The following CRMP1 variants were observed in gnomAD, a reference collection of about 807,000 sequenced individuals.
CRMP1 encodes dihydropyrimidinase-related protein 1.
Under a neutral mutation model 68.3 loss-of-function variants are expected in CRMP1, and 19 were observed. The ratio of observed to expected loss-of-function variants is 0.28; its 90% CI spans 0.19 to 0.41. The LOEUF is 0.41. Among genes scored for constraint, CRMP1 ranks in the 10% least tolerant of loss-of-function variants. The pLI, the probability that CRMP1 is intolerant of heterozygous loss-of-function variation, is 1.00. For synonymous variants in CRMP1, 439 were observed against 399.6 expected (o/e 1.10, Z -1.18); for missense variants, 791 against 967.4 (o/e 0.82, Z 2.42).
At chr4:5,864,852 A>T (rs1312067821) in intron 2 of CRMP1, among the ~76,000 whole-genome samples, 1 of 150,888 alleles carries the variant, frequency 6.6e-6, no homozygotes, top group African/African-American at 2.4e-5. Flanking sequence ...GTGAGTCCCA[A>T]GTTTTCATTA....
At chr4:5,848,885 A>C (rs1421998063) in intron 6 of CRMP1, among the ~76,000 whole-genome samples, 1 of 152,192 alleles carries the variant, frequency 6.6e-6, no homozygotes, top group Non-Finnish European at 1.5e-5. Flanking sequence ...GATCTCATCT[A>C]ATCCAAATTA....
chr4:5,828,026 A>T, intron 12 of CRMP1: 10 of 985,132 alleles, frequency 1.0e-5, no homozygotes, highest in Non-Finnish European at 1.1e-5. Context: ...GAAAGGGCGG[A>T]TCTGAAGGAA....
chr4:5,889,346 C>G lies in CRMP1; in HGVS notation c.381+3243G>C, dbSNP rs1255534498. 2.0e-5 allele frequency among the ~76,000 whole-genome samples: 3 copies of G among 152,158 alleles called. No individual in the cohort carries two copies. The highest frequency in any genetic ancestry group is 2.0e-4 in the Admixed American group (3 of 15,282). On this transcript the variant is annotated intron_variant, in intron 1 of 13. Coordinates refer to ENST00000324989, the MANE Select transcript of CRMP1 (RefSeq NM_001014809.3). This position sits in a 1 kb window ranked among gnomAD's most constrained non-coding sequence, Gnocchi z 4.5. ...GACAGCAGGTGTTTGGAGGGCTGGG[C>G]CACTGGCACCAAGGTCTCCACAGCC...
In CRMP1 at chr4:5,839,395, G is replaced by T. The variant is rs915082140; in HGVS notation, c.1310+127C>A. 77 of 1,210,448 alleles carry T rather than the reference G, an allele frequency of 6.4e-5. No homozygotes were observed. The African/African-American group carries it at 1.0e-3, about 16-fold the overall frequency. 75.0% of individuals were successfully genotyped at this position (1,210,448 alleles called of 1,614,324 possible). ...TGTAAGCCATATGAGCGCAGTCCTTGCAGAGCACGGGGCAGAGCCTCCTCT... is the reference window on the plus strand; with the variant it reads ...TGTAAGCCATATGAGCGCAGTCCTTTCAGAGCACGGGGCAGAGCCTCCTCT... On this transcript the variant is annotated intron_variant, in intron 9 of 13. Coordinates refer to ENST00000324989, the MANE Select transcript of CRMP1 (RefSeq NM_001014809.3).
Position 5,855,927 on chromosome 4 carries a change from G to C in CRMP1, c.820+216C>G, listed in dbSNP as rs1245343146. Among the ~76,000 whole-genome samples, 1 of 152,168 alleles carries C rather than the reference G, an allele frequency of 6.6e-6. No homozygotes were observed. Among genetic ancestry groups the C allele is most frequent in the East Asian group, 1.9e-4 (1 of 5,196 alleles). ...ACAGCAGGCTGCAGAGACTGGATCT[G>C]CTTCTGAGAACAAGGACACCCCCAG... On this transcript the variant is annotated intron_variant, in intron 4 of 13. Coordinates refer to ENST00000324989, the MANE Select transcript of CRMP1 (RefSeq NM_001014809.3). This position sits in a 1 kb window ranked among gnomAD's most constrained non-coding sequence, Gnocchi z 4.9.
chr4:5,840,870 T>A (rs1314722675), intron 8 of CRMP1, among the ~76,000 whole-genome samples: 1 of 152,144 alleles, frequency 6.6e-6, no homozygotes, highest in African/African-American at 2.4e-5. Context: ...AAACAACATA[T>A]TTGGGGTCCA....
rs964209545 is a variant in CRMP1, at chr4:5,879,609, T to C, written c.382-12853A>G. ...TACCTCACAAGATTACTTGAAATAA[T>C]ATGTAAAAGCACCCAATACACTGAA... On this transcript the variant is annotated intron_variant, in intron 1 of 13. Coordinates refer to ENST00000324989, the MANE Select transcript of CRMP1 (RefSeq NM_001014809.3). The surrounding 1 kb of genome is among the most constrained non-coding windows in gnomAD (Gnocchi z 4.2). Among the ~76,000 whole-genome samples, 17 of 152,150 alleles carry C rather than the reference T, an allele frequency of 1.1e-4. No homozygotes were observed. Among genetic ancestry groups the C allele is most frequent in the Admixed American group, 2.6e-4 (4 of 15,276 alleles).
chr4:5,835,480 C>T (rs748614444), intron 11 of CRMP1, among the ~76,000 whole-genome samples: 2 of 152,244 alleles, frequency 1.3e-5, no homozygotes, highest in African/African-American at 2.4e-5. Flanking sequence ...TTAGGGCCAA[C>T]CCTTTCCTGT....
Position 5,870,957 on chromosome 4 carries a change from C to T in CRMP1, c.382-4201G>A, listed in dbSNP as rs901825784. On this transcript the variant is annotated intron_variant, in intron 1 of 13. Coordinates refer to ENST00000324989, the MANE Select transcript of CRMP1 (RefSeq NM_001014809.3). The surrounding 1 kb of genome is among the most constrained non-coding windows in gnomAD (Gnocchi z 6.0). Reference sequence around the variant, plus strand: ...GGAACACGGCCGCCCCGCAGGCACCCGTCTGTCTTGTCACTATTAATAGGG... The same window carrying T: ...GGAACACGGCCGCCCCGCAGGCACCTGTCTGTCTTGTCACTATTAATAGGG... 6.6e-6 allele frequency among the ~76,000 whole-genome samples: 1 copy of T among 152,136 alleles called. No homozygotes were observed. The highest frequency in any genetic ancestry group is 2.4e-5 in the African/African-American group (1 of 41,422).
At chr4:5,887,801 C>CT (rs1715701769) in intron 1 of CRMP1, 1 of 991,446 alleles carries the variant, frequency 1.0e-6, no homozygotes, top group Non-Finnish European at 1.2e-6. Context: ...AGGTACCGGG[C>CT]TGTGGGGTGC....
At position 5,838,397 on chromosome 4, in the gene CRMP1, T is replaced by G. The variant is rs1170526549; in HGVS notation, c.1310+1125A>C. Among the ~76,000 whole-genome samples, 2 of 152,108 alleles carry G rather than the reference T, an allele frequency of 1.3e-5. No individual in the cohort carries two copies. Among genetic ancestry groups the G allele is most frequent in the African/African-American group, 2.4e-5 (1 of 41,410 alleles). The stretch of plus-strand genomic sequence containing the variant: ...TTACTGGTTCCAAGCAGAGGGGTGC[T>G]TGATCTAATCTAGGTTCTAAATGTC... On this transcript the variant is annotated intron_variant, in intron 9 of 13. Transcript: ENST00000324989. The surrounding 1 kb of genome is among the most constrained non-coding windows in gnomAD (Gnocchi z 4.9).
intron 13 of CRMP1, among the ~76,000 whole-genome samples, chr4:5,822,772 A>G (rs1301031155): frequency 2.0e-5 from 3 of 152,206 alleles, no homozygotes; most frequent in Non-Finnish European, 4.4e-5. Flanking sequence ...GCCTTTCTTC[A>G]TGGTCTACAA....
chr4:5,857,860 T>G (rs986047498), intron 3 of CRMP1, among the ~76,000 whole-genome samples: 1 of 151,964 alleles, frequency 6.6e-6, no homozygotes, highest in Non-Finnish European at 1.5e-5. Flanking sequence ...AAATCTTAAA[T>G]GTAAAGTAGA....
chr4:5,871,889 C>A (rs538274984), intron 1 of CRMP1, among the ~76,000 whole-genome samples: 3 of 152,138 alleles, frequency 2.0e-5, no homozygotes. Context: ...TTTGAAGTTA[C>A]GTGCTTTGTG....
chr4:5,861,048 C>T lies in CRMP1; in HGVS notation c.633G>A (p.Leu211=), dbSNP rs750173323. 18 of 1,614,012 alleles carry T rather than the reference C, an allele frequency of 1.1e-5. No individual in the cohort carries two copies. Among genetic ancestry groups the T allele is most frequent in the Non-Finnish European group, 1.5e-5 (18 of 1,180,008 alleles). ...DDFFQGTRAA[L]VGGTTMIIDH... ...CACTGATCATCGTGGTCCCGCCCAC[C>T]AGTGCCGCCCTGGTCCCTTGGAAGA... Residue 211 remains leucine (L), a synonymous_variant, in exon 3 of 14, where the codon CTG becomes CTA. Transcript: ENST00000324989. This position sits in a 1 kb window ranked among gnomAD's most constrained non-coding sequence, Gnocchi z 6.0.
Position 5,851,446 on chromosome 4 carries a change from T to C in CRMP1, c.844A>G (p.Met282Val). The C allele has an allele frequency of 6.2e-7, 1 of 1,614,166 alleles. No individual in the cohort carries two copies. The highest frequency in any genetic ancestry group is 8.5e-7 in the Non-Finnish European group (1 of 1,180,018). Residue 282 changes from methionine (M) to valine (V), a missense_variant, in exon 5 of 14, where the codon ATG becomes GTG. By Grantham distance (21) the Met-to-Val change is conservative. Around this residue, in one of 3 missense-constraint regions of CRMP1, gnomAD observed 594 missense variants for 763.6 expected, o/e 0.78. Transcript: ENST00000324989. ...ATTTGGTAGACATCCTTATAGGCCA[T>C]GTAGACTTGGAAGGAATTGACGCCT... Reference protein sequence around the residue: ...DKGVNSFQVYMAYKDVYQMSD... With the variant: ...DKGVNSFQVYVAYKDVYQMSD...
rs574194018 is a variant in CRMP1, at chr4:5,842,781, G to T, written c.1032+312C>A. Among the ~76,000 whole-genome samples the T allele has an allele frequency of 6.6e-6, 1 of 152,268 alleles. No homozygotes were observed. Among genetic ancestry groups the T allele is most frequent in the East Asian group, 1.9e-4 (1 of 5,172 alleles). ...GAGTTGTCTCCTGGGTGCTGGGCTT[G>T]GGCATGCGGCTCCACTTTCCTATTA... On this transcript the variant is annotated intron_variant, in intron 7 of 13. Transcript: ENST00000324989. The surrounding 1 kb of genome is among the most constrained non-coding windows in gnomAD (Gnocchi z 4.5).
chr4:5,836,190 G>A (rs1390380243), intron 10 of CRMP1, 105 bp from the exon 11 acceptor site: 3 of 1,042,002 alleles, frequency 2.9e-6, no homozygotes, highest in Admixed American at 6.3e-5. Context: ...TGCAAGGCTT[G>A]GAATTCTCTC....
intron 10 of CRMP1, 64 bp downstream of exon 10, chr4:5,836,701 C>T (rs1720751191): frequency 6.2e-7 from 1 of 1,611,738 alleles, no homozygotes; most frequent in Non-Finnish European, 8.5e-7. Flanking sequence ...GTGCATAATG[C>T]ATCGGCTTTC....
Sources: gnomAD v4.1 joint callset for allele counts (sites outside exome capture counted in the v4.1 genomes callset) on GRCh38, gnomAD v4.1.1 for gene constraint, gnomAD v4.1.1 regional missense constraint, Gnocchi (gnomAD v3.1) non-coding constraint, MANE v1.5 for transcripts, NCBI Gene and HGNC (gene_info 2026-07-23, HGNC 2026-07-21) for gene names.